The following SAMD8 variants were observed in gnomAD, a reference collection of about 807,000 sequenced individuals.
SAMD8 encodes sphingomyelin synthase-related protein 1.
In SAMD8, 20 loss-of-function variants were observed where a neutral mutation model predicts 42.0. The observed-to-expected ratio is 0.48, with a 90% CI of 0.34 to 0.69. The LOEUF is 0.69. SAMD8 is among the 30% of genes least tolerant of loss of function. The probability of loss-of-function intolerance (pLI) is 0.01; values close to 1 mark genes in which losing one functional copy is unlikely to be tolerated. For synonymous variants in SAMD8, 162 were observed against 173.0 expected, an observed-to-expected ratio of 0.94 and a Z score of 0.50; for missense variants, 328 against 511.6, an observed-to-expected ratio of 0.64 and a Z score of 3.46.
At chr10:75,131,637 G>A (rs1368531840) in intron 1 of SAMD8, among the ~76,000 whole-genome samples, 2 of 152,086 alleles carry the variant, frequency 1.3e-5, no homozygotes, top group Non-Finnish European at 2.9e-5. Flanking sequence ...AAAGAAATAA[G>A]TGAGTCTCCA....
At chr10:75,102,074 C>T (rs1227652970) in intron 1 of SAMD8, 1 of 699,958 alleles carries the variant, frequency 1.4e-6, no homozygotes, top group Non-Finnish European at 2.2e-6. Context: ...GTGCCAAGCA[C>T]AGTCAGGCAC....
chr10:75,111,142 A>G (rs914675929), upstream of SAMD8, among the ~76,000 whole-genome samples: 57 of 152,162 alleles, frequency 3.7e-4, no homozygotes, highest in African/African-American at 1.3e-3. Context: ...AGATGTTTAT[A>G]TGGCGTTTGG....
chr10:75,151,009 A>G lies in SAMD8; in HGVS notation c.481A>G (p.Ile161Val), dbSNP rs764237757. The change falls in exon 2 of 6, where the codon ATA becomes GTA. Residue 161 changes from isoleucine to valine, a missense_variant. By Grantham distance (29) the Ile-to-Val change is conservative (BLOSUM62 3). Around this residue, in one of 2 missense-constraint regions of SAMD8, gnomAD observed 178 missense variants for 325.6 expected, o/e 0.55. Transcript: ENST00000542569. ...KTILSCIYVF[I>V]VFGFTSFIMV... ...TATACTGAGTTGTATATATGTTTTT[A>G]TAGTATTTGGATTTACATCTTTCAT... 2.5e-5 allele frequency: 40 copies of G among 1,608,664 alleles called. 1 individual carries two copies. Among genetic ancestry groups the G allele is most frequent in the Admixed American group, 1.4e-4 (8 of 58,580 alleles).
At chr10:75,152,521 CAAAAAAAAAAAAAA>C (rs1441705762) in intron 2 of SAMD8, among the ~76,000 whole-genome samples, 10 of 46,460 alleles carry the variant, frequency 2.2e-4, no homozygotes, top group African/African-American at 3.3e-4. Flanking sequence ...GACTCCGTCT[CAAAAAAAAAAAAAA>C]GAAAAAAAAA....
chr10:75,141,642 C>T (rs565937973), intron 1 of SAMD8, among the ~76,000 whole-genome samples: 34 of 151,268 alleles, frequency 2.2e-4, no homozygotes, highest in African/African-American at 6.3e-4. Flanking sequence ...CCCGGGTTCA[C>T]GCCATTCTCC....
intron 3 of SAMD8, 59 bp from the exon 4 acceptor site, chr10:75,168,482 T>A (rs1420954668): frequency 1.3e-6 from 2 of 1,592,490 alleles, no homozygotes; most frequent in Admixed American, 3.5e-5. Flanking sequence ...ATTTGATGCC[T>A]GGGGTTTTTT....
At chr10:75,108,298 A>G (rs777388659), upstream of SAMD8, 1 of 1,503,708 alleles carries the variant, frequency 6.7e-7, no homozygotes, top group Non-Finnish European at 8.8e-7. Flanking sequence ...AGAGGGACCG[A>G]GCCATTAGGG....
In SAMD8 at chr10:75,171,744, G is replaced by A. The variant is rs576786810; in HGVS notation, c.792+3086G>A. 3.1e-4 allele frequency among the ~76,000 whole-genome samples: 47 copies of A among 152,232 alleles called. No homozygotes were observed. The South Asian group carries it at 9.1e-3, about 30-fold the overall frequency. On this transcript the variant is annotated intron_variant, in intron 4 of 5. Transcript: ENST00000542569. ...ATGCACATTAAAAAATATAATATGGGCTAGACAAGGTGGCTCATGCCTGTA... is the reference window on the plus strand; with the variant it reads ...ATGCACATTAAAAAATATAATATGGACTAGACAAGGTGGCTCATGCCTGTA...
intron 2 of SAMD8, among the ~76,000 whole-genome samples, chr10:75,159,781 C>T (rs900652500): frequency 1.1e-4 from 17 of 152,174 alleles, no homozygotes; most frequent in African/African-American, 4.1e-4. Context: ...CAGGGCTTTG[C>T]TTGATGTCTC....
At chr10:75,113,156 G>C (rs1848811482) in intron 1 of SAMD8, among the ~76,000 whole-genome samples, 1 of 152,202 alleles carries the variant, frequency 6.6e-6, no homozygotes. Flanking sequence ...GCTTTTTATA[G>C]AAGACATAGT....
chr10:75,172,610 G>C (rs1840896049), intron 4 of SAMD8, among the ~76,000 whole-genome samples: 1 of 151,780 alleles, frequency 6.6e-6, no homozygotes, highest in Admixed American at 6.6e-5. Context: ...GGATTCTCCT[G>C]TCTCAGCCTC....
intron 1 of SAMD8, among the ~76,000 whole-genome samples, chr10:75,126,986 G>A (rs1240749527): frequency 2.0e-5 from 3 of 151,958 alleles, no homozygotes; most frequent in Non-Finnish European, 2.9e-5. Context: ...TCAACGGTTC[G>A]AGACCAGCCT....
chr10:75,176,576 G>C lies in SAMD8; in HGVS notation c.1132G>C (p.Ala378Pro). 6.4e-7 allele frequency: 1 copy of C among 1,550,620 alleles called. No individual in the cohort carries two copies. Among genetic ancestry groups the C allele is most frequent in the Non-Finnish European group, 8.7e-7 (1 of 1,146,982 alleles). ...CAGAGCATATCAGCAGAGTAGGAGAGCAAGGATTTGGTTTCCCATGTTCTC... is the reference window on the plus strand; with the variant it reads ...CAGAGCATATCAGCAGAGTAGGAGACCAAGGATTTGGTTTCCCATGTTCTC... Reference protein sequence around the residue: ...NTRAYQQSRRARIWFPMFSFF... With the variant: ...NTRAYQQSRRPRIWFPMFSFF... Residue 378 changes from alanine to proline, a missense_variant, in exon 6 of 6, where the codon GCA becomes CCA. Coordinates refer to ENST00000542569, the MANE Select transcript of SAMD8 (RefSeq NM_001174156.2). This position sits in a 1 kb window ranked among gnomAD's most constrained non-coding sequence, Gnocchi z 4.3.
chr10:75,175,747 C>T (rs2132221860), intron 4 of SAMD8: 1 of 306,742 alleles, frequency 3.3e-6, no homozygotes, highest in South Asian at 1.3e-4. Context: ...TGGGGTTTCG[C>T]CATGTTGGCC....
chr10:75,175,938 G>A, intron 4 of SAMD8, 128 bp from the exon 5 acceptor site: 1 of 1,491,836 alleles, frequency 6.7e-7, no homozygotes, highest in Non-Finnish European at 8.9e-7. Context: ...TTAGACTGAA[G>A]GCCTAGATGC....
At chr10:75,108,685 G>A (rs960978681), upstream of SAMD8, among the ~76,000 whole-genome samples, 41 of 152,212 alleles carry the variant, frequency 2.7e-4, no homozygotes, top group African/African-American at 9.9e-4. Context: ...GAAACAGGGG[G>A]CTCTCTGTCT....
chr10:75,146,871 C>G (rs1402900307), intron 1 of SAMD8, among the ~76,000 whole-genome samples: 1 of 151,978 alleles, frequency 6.6e-6, no homozygotes, highest in Non-Finnish European at 1.5e-5. Context: ...TTTAATATAC[C>G]TCTTTCATGC....
At chr10:75,152,000 A>AT (rs1424753869) in intron 2 of SAMD8, among the ~76,000 whole-genome samples, 1 of 150,590 alleles carries the variant, frequency 6.6e-6, no homozygotes, top group Non-Finnish European at 1.5e-5. Context: ...GGTACTTTAG[A>AT]TTTTAAGAGG....
upstream of SAMD8, among the ~76,000 whole-genome samples, chr10:75,107,664 C>T (rs565202074): frequency 6.6e-6 from 1 of 151,872 alleles, no homozygotes; most frequent in East Asian, 1.9e-4. Context: ...GCAACCTCCG[C>T]CCCCCATGTT....
Sources: gnomAD v4.1 joint callset for allele counts (sites outside exome capture counted in the v4.1 genomes callset) on GRCh38, gnomAD v4.1.1 for gene constraint, gnomAD v4.1.1 regional missense constraint, Gnocchi (gnomAD v3.1) non-coding constraint, MANE v1.5 for transcripts, NCBI Gene and HGNC (gene_info 2026-07-23, HGNC 2026-07-21) for gene names.